Variants in ERC2 observed in about 807,000 individuals in gnomAD.
The protein encoded by ERC2 is ELKS/RAB6-interacting/CAST family member 2.
ERC2 carries 42 observed loss-of-function variants against 114.8 expected under a neutral mutation model. The observed-to-expected ratio is 0.37, with a 90% CI of 0.29 to 0.47. The LOEUF (loss-of-function observed/expected upper bound fraction) is 0.47, where lower values mean the gene tolerates loss of function less well. Ranked by LOEUF, ERC2 falls within the 20% of genes least tolerant of loss-of-function variation. The probability of loss-of-function intolerance (pLI) is 0.99; values close to 1 mark genes in which losing one functional copy is unlikely to be tolerated. For synonymous variants in ERC2, 454 were observed against 425.5 expected, an observed-to-expected ratio of 1.07 and a Z score of -0.82; for missense variants, 939 against 1,150.7, an observed-to-expected ratio of 0.82 and a Z score of 2.66.
At chr3:55,626,356 G>A (rs1432272009) in intron 17 of ERC2, among the ~76,000 whole-genome samples, 1 of 152,170 alleles carries the variant, frequency 6.6e-6, no homozygotes, top group Non-Finnish European at 1.5e-5. Flanking sequence ...CTGATGTAAG[G>A]ACCCCGGATC....
intron 2 of ERC2, among the ~76,000 whole-genome samples, chr3:56,429,017 T>A (rs956601325): frequency 6.6e-6 from 1 of 152,094 alleles, no homozygotes; most frequent in Admixed American, 6.6e-5. Flanking sequence ...TTGGAAGAAA[T>A]CCGTTAGAAA....
At chr3:56,075,427 G>C (rs928752933) in intron 7 of ERC2, among the ~76,000 whole-genome samples, 2 of 152,150 alleles carry the variant, frequency 1.3e-5, no homozygotes, top group African/African-American at 4.8e-5. Context: ...GGGCTGCCCT[G>C]GTTCTTGATC....
intron 17 of ERC2, among the ~76,000 whole-genome samples, chr3:55,635,465 A>G (rs900227316): frequency 7.9e-5 from 12 of 151,304 alleles, no homozygotes; most frequent in African/African-American, 2.7e-4. Context: ...ATCTCAGCTC[A>G]CTGCAACCTC....
intron 3 of ERC2, among the ~76,000 whole-genome samples, chr3:56,218,340 G>C (rs1297292084): frequency 6.6e-6 from 1 of 152,158 alleles, no homozygotes; most frequent in African/African-American, 2.4e-5. Context: ...GACATGAACA[G>C]ACACTTCTCA....
intron 14 of ERC2, among the ~76,000 whole-genome samples, chr3:55,867,822 G>A (rs1055577189): frequency 2.0e-5 from 3 of 152,088 alleles, no homozygotes; most frequent in African/African-American, 7.2e-5. Flanking sequence ...ACTTTAAAAT[G>A]TCAAATAAGA....
At chr3:55,693,133 A>G (rs1339424306) in intron 16 of ERC2, among the ~76,000 whole-genome samples, 1 of 152,228 alleles carries the variant, frequency 6.6e-6, no homozygotes, top group African/African-American at 2.4e-5. Flanking sequence ...TACTATTTAT[A>G]TCCACAGACA....
intron 12 of ERC2, among the ~76,000 whole-genome samples, chr3:55,971,493 AT>A (rs1437315526): frequency 3.9e-5 from 6 of 152,168 alleles, no homozygotes; most frequent in Non-Finnish European, 8.8e-5. Flanking sequence ...CTTTCTAGAA[AT>A]TTTTTAGGCA....
intron 17 of ERC2, among the ~76,000 whole-genome samples, chr3:55,597,908 A>G (rs1023879403): frequency 6.6e-6 from 1 of 152,188 alleles, no homozygotes; most frequent in South Asian, 2.1e-4. Flanking sequence ...ATATCCACTT[A>G]CATAATAGAC....
At position 55,827,192 on chromosome 3, in the gene ERC2, T is replaced by C. The variant is rs569478526; in HGVS notation, c.2564+61197A>G. Among the ~76,000 whole-genome samples, 3 of 148,118 alleles carry C rather than the reference T, an allele frequency of 2.0e-5. No homozygotes were observed. The South Asian group carries it at 6.4e-4, about 31-fold the overall frequency. ...TCCAGTATATTTAGTCATTCCCTCATTGTAAGGAAAGAAAATAAAGGAAGA... is the reference window on the plus strand; with the variant it reads ...TCCAGTATATTTAGTCATTCCCTCACTGTAAGGAAAGAAAATAAAGGAAGA... On this transcript the variant is annotated intron_variant, in intron 14 of 17. Transcript: ENST00000288221.
At chr3:56,096,677 G>A (rs761706420) in intron 6 of ERC2, among the ~76,000 whole-genome samples, 16 of 152,230 alleles carry the variant, frequency 1.1e-4, no homozygotes, top group Admixed American at 1.3e-4. Flanking sequence ...CATGTAAGGC[G>A]TTTATTATGT....
intron 17 of ERC2, among the ~76,000 whole-genome samples, chr3:55,535,460 A>G (rs1445637145): frequency 6.6e-6 from 1 of 152,182 alleles, no homozygotes; most frequent in Non-Finnish European, 1.5e-5. Flanking sequence ...ATTCTAAGCC[A>G]CAATTGAGGG....
chr3:56,000,567 G>C (rs1282997263), intron 10 of ERC2, among the ~76,000 whole-genome samples: 1 of 152,022 alleles, frequency 6.6e-6, no homozygotes, highest in Non-Finnish European at 1.5e-5. Context: ...AGTTATTAAA[G>C]AAAGAAAAGT....
At chr3:55,618,652 G>A (rs2059214986) in intron 17 of ERC2, among the ~76,000 whole-genome samples, 1 of 152,120 alleles carries the variant, frequency 6.6e-6, no homozygotes, top group African/African-American at 2.4e-5. Context: ...AGTAAAATTA[G>A]AAAGATACAT....
At chr3:56,333,155 C>G (rs1017930741) in intron 2 of ERC2, among the ~76,000 whole-genome samples, 1 of 152,216 alleles carries the variant, frequency 6.6e-6, no homozygotes, top group South Asian at 2.1e-4. Flanking sequence ...TAATGTCTTA[C>G]ATTTCTTATG....
chr3:56,157,836 C>T (rs780505558), intron 4 of ERC2, among the ~76,000 whole-genome samples: 4 of 151,940 alleles, frequency 2.6e-5, no homozygotes, highest in Non-Finnish European at 4.4e-5. Flanking sequence ...TGGACCATGC[C>T]TCAGGGATGA....
intron 7 of ERC2, among the ~76,000 whole-genome samples, chr3:56,074,276 A>G (rs1462086104): frequency 6.6e-6 from 1 of 152,152 alleles, no homozygotes; most frequent in African/African-American, 2.4e-5. Flanking sequence ...CATTTTAAAA[A>G]CCAAGATTAT....
intron 13 of ERC2, among the ~76,000 whole-genome samples, chr3:55,922,596 CT>C (rs888372610): frequency 2.0e-5 from 3 of 152,032 alleles, no homozygotes; most frequent in African/African-American, 4.8e-5. Context: ...TACTTAGAAT[CT>C]TTTTCCTCTC....
chr3:56,418,295 C>CA (rs57185789), intron 2 of ERC2, among the ~76,000 whole-genome samples: 13,918 of 74,700 alleles, frequency 0.19, 1,068 homozygotes, highest in East Asian at 0.45. Context: ...GATCCTGTCT[C>CA]AAAAAAAAAA....
At chr3:56,218,280 A>G (rs1297286672) in intron 3 of ERC2, among the ~76,000 whole-genome samples, 1 of 152,220 alleles carries the variant, frequency 6.6e-6, no homozygotes, top group Non-Finnish European at 1.5e-5. Context: ...AAAGAACTCA[A>G]ACAAATTTAC....
Sources: gnomAD v4.1 joint callset for allele counts (sites outside exome capture counted in the v4.1 genomes callset) on GRCh38, gnomAD v4.1.1 for gene constraint, MANE v1.5 for transcripts, NCBI Gene and HGNC (gene_info 2026-07-23, HGNC 2026-07-21) for gene names.